The following ERBB4 variants were observed in gnomAD, a reference collection of about 807,000 sequenced individuals.
The protein encoded by ERBB4 is erb-b2 receptor tyrosine kinase 4.
Under a neutral mutation model 158.0 loss-of-function variants are expected in ERBB4, and 42 were observed. The observed-to-expected ratio is 0.27, with a 90% confidence interval of 0.21 to 0.34. The LOEUF (loss-of-function observed/expected upper bound fraction) is 0.34, where lower values mean the gene tolerates loss of function less well. Among genes scored for constraint, ERBB4 ranks in the 10% least tolerant of loss-of-function variants. The pLI is 1.00. For synonymous variants in ERBB4, 583 were observed against 558.7 expected (o/e 1.04, Z -0.61); for missense variants, 1,333 against 1,624.1 (o/e 0.82, Z 3.08).
At chr2:211,812,384 T>C (rs2076778637) in intron 3 of ERBB4, among the ~76,000 whole-genome samples, 1 of 152,114 alleles carries the variant, frequency 6.6e-6, no homozygotes, top group Non-Finnish European at 1.5e-5. Flanking sequence ...GAACAGCAAA[T>C]ATTGCTGCCT....
Position 211,934,926 on chromosome 2 carries a change from T to TAAAAAAAAAAACAAAAAAAAA in ERBB4, c.421+12503_421+12504insTTTTTTTTTGTTTTTTTTTTT, listed in dbSNP as rs2080273560. Among the ~76,000 whole-genome samples, 2 of 86,646 alleles carry TAAAAAAAAAAACAAAAAAAAA rather than the reference T, an allele frequency of 2.3e-5. 1 individual carries two copies. The highest frequency in any genetic ancestry group is 7.9e-5 in the African/African-American group (2 of 25,250). The allele number at this position is 86,646 out of a possible 152,430, so 56.8% of individuals were successfully genotyped here. A position where few individuals can be genotyped will look rare whatever the true frequency, so the allele number is the denominator to read the frequency against. On this transcript the variant is annotated intron_variant, in intron 3 of 27. Transcript: ENST00000342788. ...TACACTAAGCAAAGTCTCATTCAGC[T>TAAAAAAAAAAACAAAAAAAAA]AAAAAAAAAAAAAAACTGCCTTGAA... is the stretch of plus-strand genomic sequence containing the variant.
intron 2 of ERBB4, among the ~76,000 whole-genome samples, chr2:212,046,196 T>A (rs926965063): frequency 6.6e-6 from 1 of 152,176 alleles, no homozygotes; most frequent in Non-Finnish European, 1.5e-5. Flanking sequence ...GAGACCTAAT[T>A]TTTTATGAGA....
Position 211,548,188 on chromosome 2 carries a change from C to T in ERBB4, c.2487+13715G>A, listed in dbSNP as rs139734347. Among the ~76,000 whole-genome samples, 18 of 151,942 alleles carry T rather than the reference C, an allele frequency of 1.2e-4. 1 individual carries two copies. The East Asian group carries it at 1.9e-3, about 16-fold the overall frequency. ...CTCCTTTGAGGCAATGAAAATTTGG[C>T]GCATAAATAAAAAGCATAAAATTGT... On this transcript the variant is annotated intron_variant, in intron 20 of 27. Transcript: ENST00000342788.
At chr2:211,486,530 A>C (rs1351659580) in intron 20 of ERBB4, among the ~76,000 whole-genome samples, 2 of 151,734 alleles carry the variant, frequency 1.3e-5, no homozygotes, top group African/African-American at 2.4e-5. Context: ...TTCTATTCAA[A>C]ATATGAAAAT....
intron 15 of ERBB4, among the ~76,000 whole-genome samples, chr2:211,663,539 C>A (rs1021221382): frequency 3.9e-5 from 6 of 152,058 alleles, no homozygotes; most frequent in African/African-American, 1.4e-4. Flanking sequence ...TTGTTGCTAC[C>A]ATAAACTAAT....
chr2:212,165,055 C>T (rs12694264), intron 1 of ERBB4, among the ~76,000 whole-genome samples: 111,146 of 151,384 alleles, frequency 0.73, 42,526 homozygotes, highest in African/African-American at 0.8. Flanking sequence ...GTCAAACATG[C>T]TGCGGTCGAC....
chr2:212,189,619 A>C (rs1387485705), intron 1 of ERBB4, among the ~76,000 whole-genome samples: 1 of 152,226 alleles, frequency 6.6e-6, no homozygotes, highest in Non-Finnish European at 1.5e-5. Flanking sequence ...GTTTCATGCC[A>C]ATAAGGGCCT....
chr2:211,679,561 A>G (rs1380778087), intron 12 of ERBB4, among the ~76,000 whole-genome samples: 1 of 152,232 alleles, frequency 6.6e-6, no homozygotes, highest in East Asian at 1.9e-4. Context: ...TGAGAGCTTC[A>G]TGAAGAAATA....
At chr2:211,585,475 A>G (rs746479446) in intron 19 of ERBB4, among the ~76,000 whole-genome samples, 6 of 152,110 alleles carry the variant, frequency 3.9e-5, no homozygotes, top group Non-Finnish European at 7.4e-5. Context: ...ACATTAATTC[A>G]TTGATAATTG....
intron 3 of ERBB4, among the ~76,000 whole-genome samples, chr2:211,892,065 G>A (rs1463535321): frequency 2.6e-5 from 3 of 114,858 alleles, no homozygotes; most frequent in African/African-American, 7.7e-5. Context: ...TATGAGGCCA[G>A]CATCATTCTG....
At chr2:212,140,410 T>TG (rs1491549239) in intron 1 of ERBB4, among the ~76,000 whole-genome samples, 12 of 140,270 alleles carry the variant, frequency 8.6e-5, no homozygotes, top group African/African-American at 2.9e-4. Context: ...TCTATATATA[T>TG]TTATATATAT....
chr2:211,602,391 C>T (rs2068828312), intron 19 of ERBB4, among the ~76,000 whole-genome samples: 2 of 152,024 alleles, frequency 1.3e-5, no homozygotes, highest in African/African-American at 4.8e-5. Flanking sequence ...AGCCCCCTCA[C>T]AATTAAGCAC....
intron 25 of ERBB4, among the ~76,000 whole-genome samples, chr2:211,406,749 T>G (rs777090987): frequency 6.6e-6 from 1 of 151,954 alleles, no homozygotes. Context: ...AAACAAAAAA[T>G]AGTAAATACT....
chr2:211,808,499 G>T (rs561502480), intron 3 of ERBB4, among the ~76,000 whole-genome samples: 1 of 152,136 alleles, frequency 6.6e-6, no homozygotes, highest in East Asian at 1.9e-4. Context: ...CTCTGTTTTG[G>T]TACCAGTACA....
intron 3 of ERBB4, among the ~76,000 whole-genome samples, chr2:211,795,769 C>T (rs1464303280): frequency 6.6e-6 from 1 of 151,298 alleles, no homozygotes. Context: ...ACTTGTATCT[C>T]GTTGGTCAGA....
At chr2:212,437,260 T>G (rs2092158101) in intron 1 of ERBB4, among the ~76,000 whole-genome samples, 1 of 152,010 alleles carries the variant, frequency 6.6e-6, no homozygotes, top group African/African-American at 2.4e-5. Context: ...CTGCTAGAAC[T>G]TATTCCAGCT....
intron 19 of ERBB4, among the ~76,000 whole-genome samples, chr2:211,611,392 A>G (rs918783923): frequency 1.7e-5 from 1 of 57,374 alleles, no homozygotes; most frequent in African/African-American, 6.3e-5. Flanking sequence ...TTCTGGGTCC[A>G]AAGTAAGGTG....
At chr2:212,306,585 A>G (rs1358252231) in intron 1 of ERBB4, among the ~76,000 whole-genome samples, 1 of 151,414 alleles carries the variant, frequency 6.6e-6, no homozygotes, top group Non-Finnish European at 1.5e-5. Context: ...TTGCCAGAAA[A>G]CTTCATCAAA....
chr2:211,900,673 T>C (rs2079211761), intron 3 of ERBB4, among the ~76,000 whole-genome samples: 1 of 152,178 alleles, frequency 6.6e-6, no homozygotes, highest in African/African-American at 2.4e-5. Context: ...GTGTTATATT[T>C]AGCAAGTTAC....
Sources: gnomAD v4.1 joint callset for allele counts (sites outside exome capture counted in the v4.1 genomes callset) on GRCh38, gnomAD v4.1.1 for gene constraint, MANE v1.5 for transcripts, NCBI Gene and HGNC (gene_info 2026-07-23, HGNC 2026-07-21) for gene names.